Variants in CACUL1 observed in about 807,000 individuals in gnomAD.
CACUL1 encodes CDK2 associated cullin domain 1.
In CACUL1, 13 loss-of-function variants were observed where a neutral mutation model predicts 45.2. That is an observed-to-expected ratio of 0.29 (90% CI 0.19 to 0.46). CACUL1 has a LOEUF of 0.46. CACUL1 is among the 20% of genes least tolerant of loss of function. The pLI, the probability that CACUL1 is intolerant of heterozygous loss-of-function variation, is 1.00. For synonymous variants in CACUL1, 197 were observed against 174.2 expected (o/e 1.13, Z -1.03); for missense variants, 421 against 471.4 (o/e 0.89, Z 0.99).
intron 1 of CACUL1, among the ~76,000 whole-genome samples, chr10:118,751,895 G>T (rs1477520356): frequency 6.6e-6 from 1 of 152,048 alleles, no homozygotes; most frequent in Admixed American, 6.5e-5. Flanking sequence ...AAGGTCTTGC[G>T]TATTCACGGG....
intron 1 of CACUL1, among the ~76,000 whole-genome samples, chr10:118,738,099 C>T (rs979390469): frequency 2.0e-5 from 3 of 152,218 alleles, no homozygotes; most frequent in Non-Finnish European, 2.9e-5. Flanking sequence ...GAAGCAGTAG[C>T]TTGAAGCAGG....
intron 3 of CACUL1, among the ~76,000 whole-genome samples, chr10:118,709,222 A>C (rs1227742402): frequency 6.6e-6 from 1 of 152,170 alleles, no homozygotes; most frequent in African/African-American, 2.4e-5. Flanking sequence ...CAGTGGGAAA[A>C]GGGTTGGCCT....
intron 5 of CACUL1, among the ~76,000 whole-genome samples, chr10:118,699,977 TCTCCCAG>T (rs1845363036): frequency 6.6e-6 from 1 of 151,432 alleles, no homozygotes; most frequent in Non-Finnish European, 1.5e-5. Context: ...TTGATAAACA[TCTCCCAG>T]CCTTACAAAA....
chr10:118,732,043 G>A (rs564922397), intron 1 of CACUL1, among the ~76,000 whole-genome samples: 2 of 152,280 alleles, frequency 1.3e-5, no homozygotes, highest in Admixed American at 1.3e-4. Flanking sequence ...GGTCCTTATG[G>A]GCCATTGTAA....
intron 3 of CACUL1, among the ~76,000 whole-genome samples, chr10:118,713,416 C>T (rs993353787): frequency 6.6e-6 from 1 of 152,188 alleles, no homozygotes; most frequent in Non-Finnish European, 1.5e-5. Flanking sequence ...CTCTTGCCGG[C>T]TCCATGGAGC....
intron 1 of CACUL1, among the ~76,000 whole-genome samples, chr10:118,733,478 A>C (rs991719452): frequency 6.7e-6 from 1 of 149,908 alleles, no homozygotes; most frequent in Admixed American, 6.6e-5. Context: ...CTTCATAACC[A>C]TCTGCAGTCA....
At chr10:118,695,321 TAAACAATTGTAAGAA>T in intron 5 of CACUL1, 91 bp from the exon 6 acceptor site, 2 of 744,812 alleles carry the variant, frequency 2.7e-6, no homozygotes, top group South Asian at 2.9e-5. Flanking sequence ...TCCTGAAACA[TAAACAATTGTAAGAA>T]AGGAACAGTC....
chr10:118,753,709 G>A (rs1341366606), intron 1 of CACUL1, among the ~76,000 whole-genome samples: 1 of 152,206 alleles, frequency 6.6e-6, no homozygotes, highest in African/African-American at 2.4e-5. Flanking sequence ...CCAATCTTGG[G>A]TTTGGACACA....
rs1845104519 is a variant in CACUL1 at position 118,676,973 on chromosome 10, G to GA, written c.*9154dup. On this transcript the variant is annotated 3_prime_UTR_variant, in exon 9 of 9. Coordinates refer to ENST00000369151, the MANE Select transcript of CACUL1 (RefSeq NM_153810.5). ...TTAGAAAAAACTTCTCCAATCCCAA[G>GA]AAAAAATACTACTTTCTAGTTTTTA... 1 of 151,654 alleles carries GA rather than the reference G, an allele frequency of 6.6e-6. No individual in the cohort carries two copies. The highest frequency in any genetic ancestry group is 1.5e-5 in the Non-Finnish European group (1 of 67,930). The allele number at this position is 151,654 out of a possible 1,614,324, so 9.4% of individuals were successfully genotyped here. A position where few individuals can be genotyped will look rare whatever the true frequency, so the allele number is the denominator to read the frequency against.
At chr10:118,705,878 A>T (rs1845427792) in intron 4 of CACUL1, among the ~76,000 whole-genome samples, 1 of 152,252 alleles carries the variant, frequency 6.6e-6, no homozygotes, top group Non-Finnish European at 1.5e-5. Flanking sequence ...TCTGGACAAT[A>T]AAAACAATTT....
intron 1 of CACUL1, among the ~76,000 whole-genome samples, chr10:118,742,828 T>A (rs12266716): frequency 0.032 from 4,801 of 152,268 alleles, 106 homozygotes; most frequent in Middle Eastern, 0.058. Context: ...AGGAGACAGC[T>A]TACATTCCAA....
intron 7 of CACUL1, among the ~76,000 whole-genome samples, chr10:118,688,400 A>G (rs1258440567): frequency 6.6e-6 from 1 of 152,226 alleles, no homozygotes; most frequent in Non-Finnish European, 1.5e-5. Context: ...ACAGAATTTT[A>G]TATCTGGAAC....
At chr10:118,754,327 A>C in intron 1 of CACUL1, 69 bp downstream of exon 1, 1 of 1,433,424 alleles carries the variant, frequency 7.0e-7, no homozygotes, top group Non-Finnish European at 9.2e-7. Context: ...GCTTTCTCCA[A>C]GAGGGGGTGG....
At chr10:118,750,669 G>A (rs1845889044) in intron 1 of CACUL1, among the ~76,000 whole-genome samples, 1 of 152,182 alleles carries the variant, frequency 6.6e-6, no homozygotes, top group South Asian at 2.1e-4. Context: ...CTGGTCCACA[G>A]AGACTTCGGA....
At chr10:118,726,094 CAAT>C (rs77656967) in intron 3 of CACUL1, among the ~76,000 whole-genome samples, 3,222 of 152,256 alleles carry the variant, frequency 0.021, 208 homozygotes, top group East Asian at 0.19. Context: ...CTCATAACAA[CAAT>C]ATTTCATTAT....
intron 3 of CACUL1, among the ~76,000 whole-genome samples, chr10:118,713,849 G>A (rs896139440): frequency 2.0e-5 from 3 of 152,174 alleles, no homozygotes; most frequent in Middle Eastern, 3.4e-3. Context: ...AGTGGTTCTC[G>A]CTAACTTTTG....
chr10:118,688,498 C>T (rs1845229868), intron 7 of CACUL1, among the ~76,000 whole-genome samples: 1 of 152,122 alleles, frequency 6.6e-6, no homozygotes, highest in Non-Finnish European at 1.5e-5. Flanking sequence ...AAAATACAGA[C>T]GTGAAAACAA....
chr10:118,740,646 G>A (rs2119665569), intron 1 of CACUL1, among the ~76,000 whole-genome samples: 1 of 151,340 alleles, frequency 6.6e-6, no homozygotes, highest in East Asian at 2.0e-4. Flanking sequence ...TGTGATAGTG[G>A]CCAGGCACGG....
At chr10:118,704,214 GAAAA>G (rs563822145) in intron 4 of CACUL1, among the ~76,000 whole-genome samples, 1 of 129,700 alleles carries the variant, frequency 7.7e-6, no homozygotes. Context: ...CATCGCTACT[GAAAA>G]AAAAAAAAAA....
Sources: gnomAD v4.1 joint callset for allele counts (sites outside exome capture counted in the v4.1 genomes callset) on GRCh38, gnomAD v4.1.1 for gene constraint, MANE v1.5 for transcripts, NCBI Gene and HGNC (gene_info 2026-07-23, HGNC 2026-07-21) for gene names.